Variants in ANO2 observed in about 807,000 individuals in gnomAD.
The protein encoded by ANO2 is anoctamin-2.
ANO2 carries 101 observed loss-of-function variants against 124.2 expected under a neutral mutation model. The ratio of observed to expected loss-of-function variants is 0.81; its 90% CI spans 0.69 to 0.96. The LOEUF is 0.96. Ranked by LOEUF, ANO2 falls within the 40% of genes least tolerant of loss-of-function variation. ANO2 has a pLI of 0.00. For missense variants in ANO2, 1,293 were observed against 1,274.5 expected (o/e 1.01, Z -0.22); for synonymous variants, 486 against 482.5 (o/e 1.01, Z -0.09).
At chr12:5,864,148 AT>A (rs1173409041) in intron 3 of ANO2, among the ~76,000 whole-genome samples, 4 of 152,222 alleles carry the variant, frequency 2.6e-5, no homozygotes. Flanking sequence ...CATAAAAAAA[AT>A]CATAGCTGAG....
chr12:5,602,068 C>T (rs536952497), intron 19 of ANO2, among the ~76,000 whole-genome samples: 1 of 152,142 alleles, frequency 6.6e-6, no homozygotes, highest in South Asian at 2.1e-4. Context: ...TAGCACTTCC[C>T]AATACCAACA....
intron 3 of ANO2, among the ~76,000 whole-genome samples, chr12:5,854,447 TTTGA>T (rs1955035354): frequency 6.9e-6 from 1 of 145,136 alleles, no homozygotes; most frequent in South Asian, 2.2e-4. Context: ...TGGTCACAGA[TTTGA>T]AATATAAGCA....
intron 20 of ANO2, among the ~76,000 whole-genome samples, chr12:5,595,554 T>C (rs761916660): frequency 2.6e-5 from 4 of 152,122 alleles, no homozygotes; most frequent in African/African-American, 7.2e-5. Context: ...GGAAATGTGC[T>C]AGACTCTGGA....
intron 16 of ANO2, among the ~76,000 whole-genome samples, chr12:5,616,566 A>G (rs572548813): frequency 1.6e-4 from 24 of 152,312 alleles, no homozygotes; most frequent in African/African-American, 5.8e-4. Flanking sequence ...TGGACCAAGA[A>G]GCACAGCCTG....
intron 14 of ANO2, among the ~76,000 whole-genome samples, chr12:5,723,622 G>T (rs1565610039): frequency 1.4e-5 from 2 of 143,802 alleles, no homozygotes; most frequent in African/African-American, 2.5e-5. Context: ...CAGGGCGGGT[G>T]GGGGGCGGGG....
chr12:5,807,128 T>C (rs71579292), intron 8 of ANO2, among the ~76,000 whole-genome samples, 185 bp downstream of exon 8: 2,050 of 152,336 alleles, frequency 0.013, 25 homozygotes, highest in South Asian at 0.034. Context: ...TTGAGATGAT[T>C]GGCAAAAATC....
chr12:5,924,268 C>A (rs1012477058), intron 1 of ANO2, among the ~76,000 whole-genome samples: 2 of 152,214 alleles, frequency 1.3e-5, no homozygotes, highest in African/African-American at 2.4e-5. Context: ...TCGGTCCCTG[C>A]ACTTGAGAAA....
chr12:5,748,935 A>G (rs191308143), intron 11 of ANO2, among the ~76,000 whole-genome samples: 1 of 151,988 alleles, frequency 6.6e-6, no homozygotes, highest in East Asian at 1.9e-4. Context: ...ATACCAAAAA[A>G]TCCAAACTCT....
intron 3 of ANO2, among the ~76,000 whole-genome samples, chr12:5,880,266 T>C (rs1938390978): frequency 6.6e-6 from 1 of 152,150 alleles, no homozygotes; most frequent in Non-Finnish European, 1.5e-5. Flanking sequence ...AATCCAGGCA[T>C]TTATGTTCAG....
intron 7 of ANO2, among the ~76,000 whole-genome samples, chr12:5,827,073 G>A (rs915631327): frequency 2.0e-5 from 3 of 152,150 alleles, no homozygotes; most frequent in Admixed American, 6.5e-5. Flanking sequence ...CACATTTTTC[G>A]AAAAAGCAGT....
chr12:5,923,665 A>G (rs1172295514), intron 1 of ANO2, among the ~76,000 whole-genome samples: 2 of 152,160 alleles, frequency 1.3e-5, no homozygotes, highest in African/African-American at 2.4e-5. Flanking sequence ...GAAAAATTCC[A>G]GTGTCTCCCC....
intron 10 of ANO2, among the ~76,000 whole-genome samples, chr12:5,761,705 T>A (rs923046083): frequency 3.9e-5 from 6 of 152,192 alleles, no homozygotes; most frequent in Non-Finnish European, 7.4e-5. Context: ...AGTACTCATA[T>A]AAACCAAATA....
rs183626436 is a variant in ANO2 at position 5,714,011 on chromosome 12, C to T, written c.1545+18509G>A. Among the ~76,000 whole-genome samples the T allele has an allele frequency of 6.6e-4, 101 of 152,292 alleles. No individual in the cohort carries two copies. In the East Asian group the frequency reaches 0.017, roughly 25 times the overall value. The stretch of plus-strand genomic sequence containing the variant: ...AACTGGAAGAAACAAAATCCAGTAT[C>T]GGGATCTGGCCCAAAGCCTGTGACT... On this transcript the variant is annotated intron_variant, in intron 14 of 24. Transcript: ENST00000682330.
chr12:5,654,039 T>C (rs1343278230), intron 14 of ANO2, among the ~76,000 whole-genome samples: 1 of 152,220 alleles, frequency 6.6e-6, no homozygotes, highest in Non-Finnish European at 1.5e-5. Flanking sequence ...TTCCTGACTA[T>C]CTGGTAATCT....
At chr12:5,666,873 G>C (rs1389019357) in intron 14 of ANO2, among the ~76,000 whole-genome samples, 1 of 147,174 alleles carries the variant, frequency 6.8e-6, no homozygotes, top group Non-Finnish European at 1.5e-5. Flanking sequence ...ATCTTCTAAC[G>C]AGATCTATGA....
chr12:5,599,369 G>T, intron 20 of ANO2, 115 bp downstream of exon 20: 1 of 1,270,678 alleles, frequency 7.9e-7, no homozygotes, highest in Non-Finnish European at 1.1e-6. Context: ...TGAAGCTCAT[G>T]AAGAAGCAGA....
intron 14 of ANO2, among the ~76,000 whole-genome samples, chr12:5,700,326 G>A (rs1277511685): frequency 6.6e-6 from 1 of 152,190 alleles, no homozygotes; most frequent in Non-Finnish European, 1.5e-5. Context: ...TGAACAACCT[G>A]CTCCTGAATG....
At chr12:5,867,412 C>T (rs1955454536) in intron 3 of ANO2, among the ~76,000 whole-genome samples, 1 of 152,136 alleles carries the variant, frequency 6.6e-6, no homozygotes, top group Non-Finnish European at 1.5e-5. Context: ...GGAAACACCA[C>T]TCATATTTAA....
intron 20 of ANO2, among the ~76,000 whole-genome samples, chr12:5,582,158 C>G (rs1188713999): frequency 6.6e-6 from 1 of 152,202 alleles, no homozygotes; most frequent in East Asian, 1.9e-4. Context: ...ATCCTCCGTG[C>G]GCTGCATAAT....
Sources: gnomAD v4.1 joint callset for allele counts (sites outside exome capture counted in the v4.1 genomes callset) on GRCh38, gnomAD v4.1.1 for gene constraint, MANE v1.5 for transcripts, NCBI Gene and HGNC (gene_info 2026-07-23, HGNC 2026-07-21) for gene names.